The following ADAM10 variants were observed in gnomAD, a reference collection of about 807,000 sequenced individuals.
ADAM10 encodes the protein disintegrin and metalloproteinase domain-containing protein 10.
A neutral mutation model predicts 90.1 loss-of-function variants in ADAM10; 17 were observed. The observed-to-expected ratio is 0.19, with a 90% CI of 0.13 to 0.28. The LOEUF (loss-of-function observed/expected upper bound fraction) is 0.28. Ranked by LOEUF, ADAM10 falls within the 10% of genes least tolerant of loss-of-function variation. The probability of loss-of-function intolerance (pLI) is 1.00; values close to 1 mark genes in which losing one functional copy is unlikely to be tolerated. For missense variants in ADAM10, 610 were observed against 914.3 expected, an observed-to-expected ratio of 0.67 and a Z score of 4.29; for synonymous variants, 310 against 298.6, an observed-to-expected ratio of 1.04 and a Z score of -0.40.
intron 1 of ADAM10, among the ~76,000 whole-genome samples, chr15:58,727,016 T>C (rs1899053845): frequency 1.3e-5 from 2 of 151,826 alleles, no homozygotes; most frequent in African/African-American, 2.4e-5. Flanking sequence ...TTTCGCTTTT[T>C]GATTTTTAAG....
chr15:58,634,280 C>T lies in ADAM10; in HGVS notation c.1013-921G>A, dbSNP rs139078394. On this transcript the variant is annotated intron_variant, in intron 8 of 15. Coordinates refer to ENST00000260408, the MANE Select transcript of ADAM10 (RefSeq NM_001110.4). ...TTGTGCCACTGCACTCCAGCCTGGG[C>T]GACACAGTGACACTCTGTCTAAAAA... is the stretch of plus-strand genomic sequence containing the variant. 1.2e-3 allele frequency among the ~76,000 whole-genome samples: 172 copies of T among 148,452 alleles called. 3 individuals carry two copies. In the East Asian group the frequency reaches 0.031, roughly 26 times the overall value.
chr15:58,749,615 C>T lies in ADAM10; in HGVS notation c.-81G>A. The T allele has an allele frequency of 6.5e-7, 1 of 1,544,864 alleles. No individual in the cohort carries two copies. The highest frequency in any genetic ancestry group is 8.7e-7 in the Non-Finnish European group (1 of 1,143,320). On this transcript the variant is annotated 5_prime_UTR_variant, in exon 1 of 16. Coordinates refer to ENST00000260408, the MANE Select transcript of ADAM10 (RefSeq NM_001110.4). ...GATCCGGAGGGAGAAGCTGAAGGGG[C>T]TTGGTCCGGAGCCTCCACGGGAAGC...
At chr15:58,678,024 T>G (rs1413696659) in intron 4 of ADAM10, among the ~76,000 whole-genome samples, 4 of 152,092 alleles carry the variant, frequency 2.6e-5, no homozygotes, top group African/African-American at 9.7e-5. Flanking sequence ...TTCCTACTTA[T>G]GAAGGAGGAT....
At chr15:58,677,646 T>C (rs1343272297) in intron 4 of ADAM10, among the ~76,000 whole-genome samples, 1 of 152,166 alleles carries the variant, frequency 6.6e-6, no homozygotes, top group Non-Finnish European at 1.5e-5. Flanking sequence ...AGGGCACTGA[T>C]AGCAAGTAGA....
intron 4 of ADAM10, among the ~76,000 whole-genome samples, chr15:58,666,478 C>G (rs1188981370): frequency 1.3e-5 from 2 of 151,844 alleles, no homozygotes; most frequent in African/African-American, 4.8e-5. Context: ...TTTCATTCAC[C>G]TAGTTAACAC....
chr15:58,685,371 G>A (rs1897561188), intron 2 of ADAM10, among the ~76,000 whole-genome samples: 1 of 151,172 alleles, frequency 6.6e-6, no homozygotes, highest in Non-Finnish European at 1.5e-5. Context: ...TAAGGCAGGA[G>A]AATGGCGTGA....
chr15:58,599,470 A>T (rs1220682026), intron 15 of ADAM10, 128 bp downstream of exon 15: 1 of 1,157,226 alleles, frequency 8.6e-7, no homozygotes, highest in Non-Finnish European at 1.3e-6. Flanking sequence ...TAAATCATTC[A>T]TCCAATAATC....
chr15:58,610,613 AC>A, intron 13 of ADAM10, 96 bp from the exon 14 acceptor site: 6 of 1,217,102 alleles, frequency 4.9e-6, no homozygotes, highest in South Asian at 1.3e-5. Context: ...GGGAAAAAAA[AC>A]TGAAATCATT....
chr15:58,611,033 A>C lies in ADAM10; in HGVS notation c.1770T>G (p.Asp590Glu), dbSNP rs112451529. 6.2e-7 allele frequency: 1 copy of C among 1,613,858 alleles called. No individual in the cohort carries two copies. Among genetic ancestry groups the C allele is most frequent in the East Asian group, 2.2e-5 (1 of 44,834 alleles). The change falls in exon 13 of 16, where the codon GAT (aspartate) becomes GAG (glutamate). Residue 590 changes from aspartate to glutamate, a missense_variant. By Grantham distance (45) the Asp-to-Glu change is conservative. This residue lies in a region of ADAM10 where 150 missense variants were observed against 268.5 expected (regional missense o/e 0.56). Coordinates refer to ENST00000260408, the MANE Select transcript of ADAM10 (RefSeq NM_001110.4). ...TACAGCATACATGGCATAATTCTTTATCATCTTTGCCATCAGAACTGGCAC... is the reference window on the plus strand; with the variant it reads ...TACAGCATACATGGCATAATTCTTTCTCATCTTTGCCATCAGAACTGGCAC... ...CTCASSDGKDDKELCHVCCMK... is the reference protein window; with the variant it reads ...CTCASSDGKDEKELCHVCCMK...
intron 7 of ADAM10, among the ~76,000 whole-genome samples, chr15:58,641,561 T>C (rs1896417119): frequency 6.6e-6 from 1 of 152,232 alleles, no homozygotes; most frequent in Admixed American, 6.5e-5. Context: ...TCACTTCTTT[T>C]ACTCTTTGAA....
chr15:58,645,259 T>G (rs1400853300), intron 6 of ADAM10, among the ~76,000 whole-genome samples: 2 of 152,204 alleles, frequency 1.3e-5, no homozygotes, highest in Admixed American at 6.5e-5. Context: ...GTCTTGAAAT[T>G]TATTTGTTCC....
intron 6 of ADAM10, among the ~76,000 whole-genome samples, chr15:58,645,425 A>G (rs556443586): frequency 1.4e-4 from 21 of 152,180 alleles, no homozygotes; most frequent in African/African-American, 4.8e-4. Context: ...CCCTTCCCTC[A>G]AGCTCTAGTT....
At chr15:58,710,591 T>A (rs1898443371) in intron 2 of ADAM10, among the ~76,000 whole-genome samples, 1 of 152,174 alleles carries the variant, frequency 6.6e-6, no homozygotes, top group African/African-American at 2.4e-5. Context: ...TAAAAAGCAA[T>A]GTAAAATGTA....
At chr15:58,657,969 T>C (rs974133975) in intron 5 of ADAM10, among the ~76,000 whole-genome samples, 19 of 151,930 alleles carry the variant, frequency 1.3e-4, no homozygotes, top group Admixed American at 3.3e-4. Flanking sequence ...ATTGTGGACA[T>C]TTTCTCAGTC....
chr15:58,679,111 C>T lies in ADAM10; in HGVS notation c.484+13G>A. 1 of 1,611,782 alleles carries T rather than the reference C, an allele frequency of 6.2e-7. No homozygotes were observed. Among genetic ancestry groups the T allele is most frequent in the Non-Finnish European group, 8.5e-7 (1 of 1,178,780 alleles). On this transcript the variant is annotated intron_variant, in intron 4 of 15. Coordinates refer to ENST00000260408, the MANE Select transcript of ADAM10 (RefSeq NM_001110.4). ...TTTTGAAAAAGGCTACTTGATAAAA[C>T]TTAAGTACTTACTAATATCATCTTC...
At chr15:58,742,659 G>T (rs752641658) in intron 1 of ADAM10, among the ~76,000 whole-genome samples, 2 of 152,158 alleles carry the variant, frequency 1.3e-5, no homozygotes, top group Non-Finnish European at 2.9e-5. Context: ...GCCCTTACAG[G>T]AATCCAAGTG....
rs542663078 is a variant in ADAM10, at chr15:58,593,352, C to G, written c.*4195G>C. 5 of 152,104 alleles carry G rather than the reference C, an allele frequency of 3.3e-5. No homozygotes were observed. The highest frequency in any genetic ancestry group is 2.1e-4 in the South Asian group (1 of 4,812). 9.4% of individuals were successfully genotyped at this position (152,104 alleles called of 1,614,324 possible). ...TCTGCCTCCCGAGTAGCTGGGATTA[C>G]AAGCATGTGCCACCACGCCCAGCTG... is the stretch of plus-strand genomic sequence containing the variant. On this transcript the variant is annotated 3_prime_UTR_variant, in exon 16 of 16. Transcript: ENST00000260408.
At chr15:58,601,333 G>T (rs1895102939) in intron 14 of ADAM10, among the ~76,000 whole-genome samples, 1 of 151,966 alleles carries the variant, frequency 6.6e-6, no homozygotes, top group Non-Finnish European at 1.5e-5. Flanking sequence ...ATGATGGTGG[G>T]TGCCTGTAAT....
intron 11 of ADAM10, among the ~76,000 whole-genome samples, chr15:58,615,940 G>A (rs986257574): frequency 1.3e-4 from 20 of 151,916 alleles, no homozygotes; most frequent in African/African-American, 3.9e-4. Flanking sequence ...CCCGGGAGGC[G>A]CAGGTTGCAG....
Sources: allele counts gnomAD v4.1 joint callset (sites outside exome capture counted in the v4.1 genomes callset), GRCh38; gene constraint gnomAD v4.1.1; regional missense constraint gnomAD v4.1.1; transcripts MANE v1.5; gene names NCBI Gene and HGNC (gene_info 2026-07-23, HGNC 2026-07-21).